SUCO: variants seen among roughly 807,000 people sequenced by gnomAD.
SUCO encodes SUN domain-containing ossification factor.
A neutral mutation model predicts 148.1 loss-of-function variants in SUCO; 57 were observed. That is an observed-to-expected ratio of 0.38 (90% CI 0.31 to 0.48). The LOEUF is 0.48. SUCO is among the 20% of genes least tolerant of loss of function. The probability of loss-of-function intolerance (pLI) is 0.96; values close to 1 mark genes in which losing one functional copy is unlikely to be tolerated. For missense variants in SUCO, 1,331 were observed against 1,468.2 expected (o/e 0.91, Z 1.53); for synonymous variants, 470 against 502.7 (o/e 0.93, Z 0.87).
chr1:172,557,544 C>T, intron 5 of SUCO, 100 bp from the exon 6 acceptor site: 1 of 1,480,034 alleles, frequency 6.8e-7, no homozygotes, highest in Non-Finnish European at 9.1e-7. Context: ...TGTGTTTCTT[C>T]CTTGGTTTAC....
At chr1:172,556,338 T>C (rs1486220109) in intron 4 of SUCO, among the ~76,000 whole-genome samples, 2 of 152,222 alleles carry the variant, frequency 1.3e-5, no homozygotes, top group East Asian at 1.9e-4. Context: ...GAATTCCCTA[T>C]AATTATCAAC....
chr1:172,609,410 T>A, intron 23 of SUCO: 2 of 947,148 alleles, frequency 2.1e-6, no homozygotes, highest in Non-Finnish European at 2.5e-6. Flanking sequence ...CTTACTACAT[T>A]GTAACTTGGG....
chr1:172,541,136 AT>A (rs1652423794), intron 1 of SUCO, among the ~76,000 whole-genome samples: 1 of 152,218 alleles, frequency 6.6e-6, no homozygotes, highest in African/African-American at 2.4e-5. Flanking sequence ...AAAAATACAA[AT>A]AAAAACAATG....
chr1:172,532,497 T>A, upstream of SUCO: 1 of 1,613,436 alleles, frequency 6.2e-7, no homozygotes, highest in East Asian at 2.2e-5. Flanking sequence ...GGCACGCCCC[T>A]TTCTATCTAC....
chr1:172,608,045 G>T lies in SUCO; in HGVS notation c.3266-702G>T, dbSNP rs529366535. On this transcript the variant is annotated intron_variant, in intron 22 of 23. Coordinates refer to ENST00000263688, the MANE Select transcript of SUCO (RefSeq NM_014283.5). ...TTAAAAATGTGTGTCTATTTTGTCA[G>T]TGTGGGGGTGGGGTTGGGATATATC... 13 of 982,232 alleles carry T rather than the reference G, an allele frequency of 1.3e-5. No individual in the cohort carries two copies. The East Asian group carries it at 1.1e-3, about 86-fold the overall frequency. 60.8% of individuals were successfully genotyped at this position (982,232 alleles called of 1,614,324 possible). A position where few individuals can be genotyped will look rare whatever the true frequency, so the allele number is the denominator to read the frequency against.
intron 1 of SUCO, among the ~76,000 whole-genome samples, chr1:172,539,509 A>G (rs550363328): frequency 8.4e-5 from 8 of 95,040 alleles, no homozygotes; most frequent in Non-Finnish European, 1.3e-4. Context: ...TTGAAAGAAG[A>G]TTTGGTTTTA....
intron 21 of SUCO, chr1:172,602,443 C>CT (rs1227226363): frequency 1.0e-6 from 1 of 983,270 alleles, no homozygotes; most frequent in African/African-American, 1.7e-5. Flanking sequence ...CATGAAACCC[C>CT]TGAAATATTT....
chr1:172,593,713 C>T (rs1156266005), intron 19 of SUCO, among the ~76,000 whole-genome samples: 1 of 152,190 alleles, frequency 6.6e-6, no homozygotes, highest in Non-Finnish European at 1.5e-5. Flanking sequence ...CAATGTTCAT[C>T]AGGGATATTG....
At chr1:172,536,609 C>G (rs569634463) in intron 1 of SUCO, among the ~76,000 whole-genome samples, 2 of 152,284 alleles carry the variant, frequency 1.3e-5, no homozygotes, top group South Asian at 4.1e-4. Flanking sequence ...TAGGAATTCC[C>G]TGCATTAGTT....
chr1:172,563,453 A>G (rs1217260829), intron 6 of SUCO, among the ~76,000 whole-genome samples: 8 of 152,240 alleles, frequency 5.3e-5, no homozygotes, highest in Non-Finnish European at 1.2e-4. Context: ...GTGATTTAGC[A>G]AAGAGCCTGG....
intron 1 of SUCO, among the ~76,000 whole-genome samples, chr1:172,536,591 G>A (rs6424965): frequency 6.0e-4 from 91 of 152,142 alleles, no homozygotes; most frequent in African/African-American, 2.2e-3. Flanking sequence ...ACTGGAAGTC[G>A]CATAACCTAG....
In SUCO at chr1:172,585,932, C is replaced by T. The variant is rs1351446210; in HGVS notation, c.1642C>T (p.Pro548Ser). The T allele has an allele frequency of 6.2e-7, 1 of 1,606,920 alleles. No individual in the cohort carries two copies. Among genetic ancestry groups the T allele is most frequent in the Non-Finnish European group, 8.5e-7 (1 of 1,175,378 alleles). ...GCCTGAATCAACTCCTGTTTCAACTCCTGTTCCATCTCCTGAGTAAGTTAT... is the reference window on the plus strand; with the variant it reads ...GCCTGAATCAACTCCTGTTTCAACTTCTGTTCCATCTCCTGAGTAAGTTAT... ...KMPESTPVSTPVPSPEYVTTE... is the reference protein window; with the variant it reads ...KMPESTPVSTSVPSPEYVTTE... Residue 548 changes from proline (P) to serine (S), a missense_variant, in exon 17 of 24, where the codon CCT becomes TCT. This residue lies in a region of SUCO where 992 missense variants were observed against 1,093.5 expected (regional missense o/e 0.91). Coordinates refer to ENST00000263688, the MANE Select transcript of SUCO (RefSeq NM_014283.5).
At chr1:172,555,236 A>C (rs77582998) in intron 3 of SUCO, 13,218 of 181,374 alleles carry the variant, frequency 0.073, 653 homozygotes, top group Middle Eastern at 0.11. Flanking sequence ...AGATGCAGTG[A>C]TAAAAGTGTA....
At chr1:172,570,834 TTA>T in intron 9 of SUCO, 104 bp downstream of exon 9, 2 of 728,408 alleles carry the variant, frequency 2.7e-6, no homozygotes, top group Non-Finnish European at 4.6e-6. Context: ...TAATAAGCTT[TTA>T]TGATTGATTA....
chr1:172,554,769 CATT>C (rs1386599314), intron 3 of SUCO, among the ~76,000 whole-genome samples: 2 of 150,606 alleles, frequency 1.3e-5, no homozygotes, highest in African/African-American at 4.9e-5. Context: ...TAAAGTATCT[CATT>C]AATTTTTAAA....
At chr1:172,576,961 G>A in intron 11 of SUCO, 1 of 675,750 alleles carries the variant, frequency 1.5e-6, no homozygotes, top group Non-Finnish European at 1.8e-6. Flanking sequence ...CATTCGAAAG[G>A]CCAATTGGTA....
chr1:172,570,364 A>G (rs1187540045), intron 8 of SUCO, 193 bp downstream of exon 8: 2 of 486,132 alleles, frequency 4.1e-6, no homozygotes, highest in Non-Finnish European at 7.2e-6. Context: ...TTTGCCCTGC[A>G]TTTTTTAACT....
At position 172,578,309 on chromosome 1, in the gene SUCO, C is replaced by T. The variant is rs1332435115; in HGVS notation, c.1352C>T (p.Thr451Ile). 3.7e-6 allele frequency: 6 copies of T among 1,610,846 alleles called. No individual in the cohort carries two copies. In the South Asian group the frequency reaches 4.4e-5, roughly 12 times the overall value. The change falls in exon 14 of 24, where the codon ACT becomes ATT. Residue 451 changes from threonine (T) to isoleucine (I), a missense_variant. Thr to Ile is a moderately conservative substitution (Grantham distance 89). This residue lies in a region of SUCO where 992 missense variants were observed against 1,093.5 expected (regional missense o/e 0.91). Transcript: ENST00000263688. ...CPLSLIRVFGTSMVEEYEEIA... is the reference protein window; with the variant it reads ...CPLSLIRVFGISMVEEYEEIA... Reference sequence around the variant, plus strand: ...ATTGTTGTTGATAGGGTATTTGGCACTAGCATGGTGGAAGAATATGAAGAA... The same window carrying T: ...ATTGTTGTTGATAGGGTATTTGGCATTAGCATGGTGGAAGAATATGAAGAA...
intron 6 of SUCO, among the ~76,000 whole-genome samples, chr1:172,566,754 G>A (rs184543682): frequency 2.4e-4 from 37 of 152,292 alleles, no homozygotes; most frequent in African/African-American, 8.7e-4. Flanking sequence ...TCATGGAAAG[G>A]GGTGGTAACT....
Sources: allele counts gnomAD v4.1 joint callset (sites outside exome capture counted in the v4.1 genomes callset), GRCh38; gene constraint gnomAD v4.1.1; regional missense constraint gnomAD v4.1.1; transcripts MANE v1.5; gene names NCBI Gene and HGNC (gene_info 2026-07-23, HGNC 2026-07-21).